The following PRMT8 variants were observed in gnomAD, a reference collection of about 807,000 sequenced individuals.
The protein encoded by PRMT8 is protein arginine N-methyltransferase 8.
PRMT8 carries 7 observed loss-of-function variants against 47.1 expected under a neutral mutation model. The observed-to-expected ratio is 0.15, with a 90% CI of 0.08 to 0.28. The LOEUF (loss-of-function observed/expected upper bound fraction) is 0.28, where lower values mean the gene tolerates loss of function less well. Among genes scored for constraint, PRMT8 ranks in the 10% least tolerant of loss-of-function variants. PRMT8 has a pLI of 1.00. For synonymous variants in PRMT8, 188 were observed against 186.5 expected (o/e 1.01, Z -0.07); for missense variants, 237 against 505.4 (o/e 0.47, Z 5.09).
At chr12:3,586,957 G>T (rs766502570) in intron 8 of PRMT8, among the ~76,000 whole-genome samples, 15 of 152,198 alleles carry the variant, frequency 9.9e-5, no homozygotes, top group Non-Finnish European at 2.1e-4. Flanking sequence ...GTGTCAGCGT[G>T]GGGGCTCTGT....
Position 3,583,128 on chromosome 12 carries a change from G to A in PRMT8, c.899G>A (p.Arg300His), listed in dbSNP as rs558202180. 2.5e-6 allele frequency: 4 copies of A among 1,614,082 alleles called. No homozygotes were observed. Among genetic ancestry groups the A allele is most frequent in the Middle Eastern group, 1.6e-4 (1 of 6,062 alleles). Reference sequence around the variant, plus strand: ...TCTGCATTCTGCCTGCAGATACAGCGCAACGACTACGTCCACGCCCTGGTC... The same window carrying A: ...TCTGCATTCTGCCTGCAGATACAGCACAACGACTACGTCCACGCCCTGGTC... ...FTSAFCLQIQRNDYVHALVTY... is the reference protein window; with the variant it reads ...FTSAFCLQIQHNDYVHALVTY... Residue 300 changes from arginine (R) to histidine (H), a missense_variant, in exon 8 of 10, where the codon CGC (arginine) becomes CAC (histidine). By Grantham distance (29) the Arg-to-His change is conservative. This residue lies in a region of PRMT8 where 151 missense variants were observed against 341.1 expected (regional missense o/e 0.44). Transcript: ENST00000382622. The surrounding 1 kb of genome is among the most constrained non-coding windows in gnomAD (Gnocchi z 4.7).
intron 1 of PRMT8, among the ~76,000 whole-genome samples, chr12:3,426,653 G>T (rs2137064936): frequency 6.6e-6 from 1 of 152,262 alleles, no homozygotes; most frequent in Non-Finnish European, 1.5e-5. Context: ...AAATTGACTT[G>T]GTTATGTTAA....
upstream of PRMT8, among the ~76,000 whole-genome samples, chr12:3,486,459 G>C (rs996631342): frequency 7.2e-5 from 11 of 152,126 alleles, no homozygotes; most frequent in Admixed American, 7.2e-4. Flanking sequence ...CTTAGCACTT[G>C]CTTGGCCCAT....
At chr12:3,444,253 C>T (rs1864834223) in intron 1 of PRMT8, among the ~76,000 whole-genome samples, 1 of 152,212 alleles carries the variant, frequency 6.6e-6, no homozygotes, top group Non-Finnish European at 1.5e-5. Context: ...TTAGTAAACA[C>T]TCCTGACCTG....
chr12:3,527,701 G>A (rs898924030), intron 1 of PRMT8, among the ~76,000 whole-genome samples: 2 of 151,936 alleles, frequency 1.3e-5, no homozygotes, highest in Non-Finnish European at 2.9e-5. Context: ...ATCTTCTAAA[G>A]GGATTTAAAT....
chr12:3,534,693 C>G lies in PRMT8; in HGVS notation c.76-5913C>G, dbSNP rs1465422501. Among the ~76,000 whole-genome samples the G allele has an allele frequency of 2.0e-5, 3 of 152,240 alleles. No homozygotes were observed. The East Asian group carries it at 5.8e-4, about 29-fold the overall frequency. ...TCTGTCTAGTTATTGCCTGTTGACT[C>G]TCTTTCTGCCCTCAACACTGGGCTT... On this transcript the variant is annotated intron_variant, in intron 1 of 9. Transcript: ENST00000382622.
chr12:3,592,429 G>A, intron 9 of PRMT8, 77 bp downstream of exon 9: 1 of 1,486,526 alleles, frequency 6.7e-7, no homozygotes, highest in Non-Finnish European at 9.0e-7. Flanking sequence ...ACTTGCCCGG[G>A]TTCTTAAGTG....
intron 1 of PRMT8, among the ~76,000 whole-genome samples, chr12:3,393,005 G>A (rs1332057153): frequency 6.6e-6 from 1 of 152,134 alleles, no homozygotes; most frequent in Non-Finnish European, 1.5e-5. Flanking sequence ...CTGCATAAAT[G>A]TCTTCTTTTG....
chr12:3,449,306 T>C (rs1309858641), intron 1 of PRMT8, among the ~76,000 whole-genome samples: 2 of 152,234 alleles, frequency 1.3e-5, no homozygotes, highest in Non-Finnish European at 2.9e-5. Flanking sequence ...TTTGAGGAAT[T>C]GCCATACTGT....
chr12:3,485,188 A>C (rs377318317), intron 1 of PRMT8, among the ~76,000 whole-genome samples: 11 of 152,242 alleles, frequency 7.2e-5, no homozygotes, highest in African/African-American at 2.6e-4. Flanking sequence ...CTCTGTAAAG[A>C]CCTCTCGGAA....
intron 3 of PRMT8, 74 bp from the exon 4 acceptor site, chr12:3,553,577 T>C: frequency 2.4e-6 from 3 of 1,262,322 alleles, no homozygotes; most frequent in Non-Finnish European, 3.5e-6. Context: ...TCAGCGTCTC[T>C]ATCCATTGAA....
chr12:3,593,245 T>C lies in PRMT8; in HGVS notation c.*63T>C, dbSNP rs1867351663. 13 of 1,373,232 alleles carry C rather than the reference T, an allele frequency of 9.5e-6. No homozygotes were observed. Among genetic ancestry groups the C allele is most frequent in the Non-Finnish European group, 1.0e-5 (10 of 975,764 alleles). 85.1% of individuals were successfully genotyped at this position (1,373,232 alleles called of 1,614,324 possible). A position where few individuals can be genotyped will look rare whatever the true frequency, so the allele number is the denominator to read the frequency against. ...ACTCTCACCTCGATCTGCCGTGCCG[T>C]CCCAAAGAATACCGTTTGCAGGACT... On this transcript the variant is annotated 3_prime_UTR_variant, in exon 10 of 10. Transcript: ENST00000382622. The surrounding 1 kb of genome is among the most constrained non-coding windows in gnomAD (Gnocchi z 4.8).
chr12:3,434,156 A>G (rs1864712093), intron 1 of PRMT8, among the ~76,000 whole-genome samples: 1 of 152,176 alleles, frequency 6.6e-6, no homozygotes, highest in Non-Finnish European at 1.5e-5. Flanking sequence ...CTCGAGGTCT[A>G]GTCATTAACA....
chr12:3,424,942 G>A (rs1157771600), intron 1 of PRMT8, among the ~76,000 whole-genome samples: 1 of 152,208 alleles, frequency 6.6e-6, no homozygotes, highest in Admixed American at 6.5e-5. Flanking sequence ...TTCCGGGTGT[G>A]ACTGGAGCAG....
chr12:3,427,821 G>A (rs1306812337), intron 1 of PRMT8, among the ~76,000 whole-genome samples: 1 of 151,702 alleles, frequency 6.6e-6, no homozygotes, highest in Non-Finnish European at 1.5e-5. Context: ...CATAAATTCT[G>A]CTCCCCCTCT....
At chr12:3,429,209 C>A (rs1263775295) in intron 1 of PRMT8, among the ~76,000 whole-genome samples, 1 of 152,160 alleles carries the variant, frequency 6.6e-6, no homozygotes, top group African/African-American at 2.4e-5. Context: ...GTCTGGGTGC[C>A]CTGGCTTACA....
chr12:3,577,637 C>G (rs1003156102), intron 7 of PRMT8, among the ~76,000 whole-genome samples: 3 of 151,878 alleles, frequency 2.0e-5, no homozygotes, highest in Non-Finnish European at 4.4e-5. Flanking sequence ...CAACCCAACA[C>G]AAATTCGTAA....
chr12:3,570,149 T>C lies in PRMT8; in HGVS notation c.712+585T>C, dbSNP rs1458904641. Among the ~76,000 whole-genome samples, 5 of 152,070 alleles carry C rather than the reference T, an allele frequency of 3.3e-5. No homozygotes were observed. The highest frequency in any genetic ancestry group is 5.9e-5 in the Non-Finnish European group (4 of 68,012). The stretch of plus-strand genomic sequence containing the variant: ...TGTGTGCATGAGGCAGGGGCTCGTA[T>C]CTAAACATGTATTCTTAATGCCTTA... On this transcript the variant is annotated intron_variant, in intron 6 of 9. Coordinates refer to ENST00000382622, the MANE Select transcript of PRMT8 (RefSeq NM_019854.5). The surrounding 1 kb of genome is among the most constrained non-coding windows in gnomAD (Gnocchi z 5.5).
intron 1 of PRMT8, chr12:3,462,792 T>C (rs1865055474): frequency 6.6e-6 from 1 of 152,046 alleles, no homozygotes; most frequent in Non-Finnish European, 1.5e-5. Context: ...TTAAAAGCAC[T>C]GTCACTTCAG....
Sources: gnomAD v4.1 joint callset for allele counts (sites outside exome capture counted in the v4.1 genomes callset) on GRCh38, gnomAD v4.1.1 for gene constraint, gnomAD v4.1.1 regional missense constraint, Gnocchi (gnomAD v3.1) non-coding constraint, MANE v1.5 for transcripts, NCBI Gene and HGNC (gene_info 2026-07-23, HGNC 2026-07-21) for gene names.